The following CHMP3 variants were observed in gnomAD, a reference collection of about 807,000 sequenced individuals.
CHMP3 encodes charged multivesicular body protein 3, also known as 25.1 protein.
A neutral mutation model predicts 27.4 loss-of-function variants in CHMP3; 8 were observed. That is an observed-to-expected ratio of 0.29 (90% CI 0.17 to 0.53). The LOEUF is 0.53. CHMP3 is among the 20% of genes least tolerant of loss of function. CHMP3 has a pLI of 0.96. For missense variants in CHMP3, 208 were observed against 271.5 expected, an observed-to-expected ratio of 0.77 and a Z score of 1.64; for synonymous variants, 86 against 85.5, an observed-to-expected ratio of 1.01 and a Z score of -0.03.
chr2:86,521,048 A>G (rs1260122277), intron 3 of CHMP3, among the ~76,000 whole-genome samples: 1 of 151,876 alleles, frequency 6.6e-6, no homozygotes, highest in African/African-American at 2.4e-5. Context: ...AATTTCCCCC[A>G]CCCTTAAGAA....
At chr2:86,546,413 T>G in intron 1 of CHMP3, among the ~76,000 whole-genome samples, 1 of 151,058 alleles carries the variant, frequency 6.6e-6, no homozygotes, top group African/African-American at 2.4e-5. Flanking sequence ...TGATTTACAT[T>G]TTCTTAATGC....
intron 4 of CHMP3, 79 bp from the exon 5 acceptor site, chr2:86,507,672 G>A (rs1674939127): frequency 1.3e-5 from 16 of 1,244,400 alleles, no homozygotes; most frequent in Middle Eastern, 1.9e-4. Flanking sequence ...CCTAGACCGA[G>A]CTCTAGCCTA....
intron 1 of CHMP3, among the ~76,000 whole-genome samples, chr2:86,550,691 C>T (rs1676873234): frequency 6.6e-6 from 1 of 152,014 alleles, no homozygotes; most frequent in Non-Finnish European, 1.5e-5. Flanking sequence ...CCACTATATC[C>T]ATGGGTTCTA....
At chr2:86,551,216 T>C (rs1234928591) in intron 1 of CHMP3, among the ~76,000 whole-genome samples, 1 of 152,192 alleles carries the variant, frequency 6.6e-6, no homozygotes. Flanking sequence ...GTCACTATTA[T>C]TGCTAAGGGG....
At chr2:86,535,355 C>G (rs1243797573) in intron 2 of CHMP3, among the ~76,000 whole-genome samples, 2 of 150,798 alleles carry the variant, frequency 1.3e-5, no homozygotes, top group Admixed American at 1.3e-4. Context: ...TCCCTTATTT[C>G]CTGCATTAAT....
chr2:86,507,962 C>T (rs916623959), intron 4 of CHMP3, among the ~76,000 whole-genome samples: 1 of 152,056 alleles, frequency 6.6e-6, no homozygotes, highest in African/African-American at 2.4e-5. Context: ...AAATATAATC[C>T]GTGAACGCAG....
chr2:86,549,971 G>A (rs1485666225), intron 1 of CHMP3, among the ~76,000 whole-genome samples: 5 of 152,158 alleles, frequency 3.3e-5, no homozygotes, highest in South Asian at 2.1e-4. Context: ...CTTCCCAGAC[G>A]GGGTGGCGGC....
At position 86,505,617 on chromosome 2, in the gene CHMP3, G is replaced by T; in HGVS notation, c.*187C>A. 2.9e-6 allele frequency: 2 copies of T among 687,610 alleles called. No homozygotes were observed. The highest frequency in any genetic ancestry group is 4.3e-6 in the Non-Finnish European group (2 of 466,790). 42.6% of individuals were successfully genotyped at this position (687,610 alleles called of 1,614,324 possible). On this transcript the variant is annotated 3_prime_UTR_variant, in exon 6 of 6. Transcript: ENST00000263856. ...ATCTGTCTATACTCCTAAAAATGATGCATTTATTTATGCCACTTTTATAAG... is the reference window on the plus strand; with the variant it reads ...ATCTGTCTATACTCCTAAAAATGATTCATTTATTTATGCCACTTTTATAAG...
intron 1 of CHMP3, among the ~76,000 whole-genome samples, chr2:86,559,143 C>G (rs1308617134): frequency 6.6e-6 from 1 of 152,170 alleles, no homozygotes; most frequent in Non-Finnish European, 1.5e-5. Context: ...TAAGTGGGCA[C>G]CATCCAATCA....
chr2:86,526,921 G>A (rs1318419082), intron 3 of CHMP3: 1 of 152,000 alleles, frequency 6.6e-6, no homozygotes, highest in Non-Finnish European at 1.5e-5. Context: ...GGAGCAAAAA[G>A]ACGCAGAATG....
intron 1 of CHMP3, 179 bp downstream of exon 1, chr2:86,563,125 C>T: frequency 1.6e-6 from 1 of 638,754 alleles, no homozygotes; most frequent in Non-Finnish European, 2.7e-6. Flanking sequence ...GGAGCTCTCG[C>T]GTCCCACAGC....
chr2:86,522,180 A>G (rs914873659), intron 3 of CHMP3, among the ~76,000 whole-genome samples: 3 of 152,214 alleles, frequency 2.0e-5, no homozygotes, highest in Non-Finnish European at 2.9e-5. Context: ...ATAGGGGAAC[A>G]TCTTAAGAAA....
chr2:86,534,196 CTTTTTTTTTTTTTTT>C (rs33977886), intron 2 of CHMP3, among the ~76,000 whole-genome samples: 2,128 of 67,054 alleles, frequency 0.032, 82 homozygotes, highest in African/African-American at 0.11. Context: ...TGCTTTATTT[CTTTTTTTTTTTTTTT>C]TTTTTTTTTT....
At chr2:86,543,402 A>G (rs79450577) in intron 1 of CHMP3, among the ~76,000 whole-genome samples, 2,621 of 152,352 alleles carry the variant, frequency 0.017, 30 homozygotes, top group Non-Finnish European at 0.027. Flanking sequence ...AAAGGCTAAG[A>G]GGGTTCTCAC....
intron 2 of CHMP3, among the ~76,000 whole-genome samples, chr2:86,533,836 T>C (rs1002097565): frequency 6.6e-6 from 1 of 152,184 alleles, no homozygotes; most frequent in Non-Finnish European, 1.5e-5. Flanking sequence ...TTAATTTTCC[T>C]CTGAGTGTTG....
chr2:86,529,164 T>C (rs1675819674), intron 3 of CHMP3, 54 bp downstream of exon 3: 3 of 1,457,948 alleles, frequency 2.1e-6, no homozygotes, highest in Non-Finnish European at 2.7e-6. Context: ...CCCGTGTTGA[T>C]AATAACAGCA....
At chr2:86,557,512 G>A (rs1258892190) in intron 1 of CHMP3, among the ~76,000 whole-genome samples, 1 of 151,966 alleles carries the variant, frequency 6.6e-6, no homozygotes, top group African/African-American at 2.4e-5. Flanking sequence ...TTATTAATCT[G>A]CCCTCTACCT....
chr2:86,550,122 T>A (rs1240017847), intron 1 of CHMP3, among the ~76,000 whole-genome samples: 1 of 152,054 alleles, frequency 6.6e-6, no homozygotes, highest in Non-Finnish European at 1.5e-5. Context: ...CCGTCTGCAA[T>A]CCCAGCACCC....
chr2:86,529,499 CAT>C lies in CHMP3; in HGVS notation c.107-104_107-103del, dbSNP rs1675832811. ...TAAATGTATCTATTAAATAGAAAAACATATAGAAGGATATACATAAAATCAAA... is the reference window on the plus strand; with the variant it reads ...TAAATGTATCTATTAAATAGAAAAACATAGAAGGATATACATAAAATCAAA... On this transcript the variant is annotated intron_variant, in intron 2 of 5. Coordinates refer to ENST00000263856, the MANE Select transcript of CHMP3 (RefSeq NM_016079.4). The C allele has an allele frequency of 1.4e-5, 16 of 1,128,598 alleles. No homozygotes were observed. The East Asian group carries it at 4.8e-4, about 34-fold the overall frequency. The allele number at this position is 1,128,598 out of a possible 1,614,324, so 69.9% of individuals were successfully genotyped here. A position where few individuals can be genotyped will look rare whatever the true frequency, so the allele number is the denominator to read the frequency against.
Sources: allele counts gnomAD v4.1 joint callset (sites outside exome capture counted in the v4.1 genomes callset), GRCh38; gene constraint gnomAD v4.1.1; transcripts MANE v1.5; gene names NCBI Gene and HGNC (gene_info 2026-07-23, HGNC 2026-07-21).